FAF1: variants seen among roughly 807,000 people sequenced by gnomAD.
FAF1 encodes FAS-associated factor 1.
Under a neutral mutation model 92.5 loss-of-function variants are expected in FAF1, and 25 were observed. That is an observed-to-expected ratio of 0.27 (90% CI 0.20 to 0.38). The LOEUF is 0.38. Ranked by LOEUF, FAF1 falls within the 10% of genes least tolerant of loss-of-function variation. The pLI is 1.00. For synonymous variants in FAF1, 234 were observed against 273.2 expected, an observed-to-expected ratio of 0.86 and a Z score of 1.42; for missense variants, 636 against 793.3, an observed-to-expected ratio of 0.80 and a Z score of 2.38.
At chr1:50,657,866 T>C (rs1382792752) in intron 7 of FAF1, among the ~76,000 whole-genome samples, 1 of 152,218 alleles carries the variant, frequency 6.6e-6, no homozygotes, top group Non-Finnish European at 1.5e-5. Context: ...GCTTGGGGAA[T>C]GGCTTGATCT....
At chr1:50,831,046 A>T (rs1452048897) in intron 2 of FAF1, among the ~76,000 whole-genome samples, 1 of 152,196 alleles carries the variant, frequency 6.6e-6, no homozygotes. Flanking sequence ...AATCACAAAA[A>T]CAACAAAGGA....
rs77429763 is a variant in FAF1, at chr1:50,732,011, C to T, written c.551+6852G>A. 5.7e-4 allele frequency among the ~76,000 whole-genome samples: 86 copies of T among 151,982 alleles called. 1 individual carries two copies. The East Asian group carries it at 0.012, about 22-fold the overall frequency. On this transcript the variant is annotated intron_variant, in intron 6 of 18. Transcript: ENST00000396153. ...TTCTAAGTATTCCATGAGTGCTTTACGGGGTTATTAAAATCTTCTATAGCT... is the reference window on the plus strand; with the variant it reads ...TTCTAAGTATTCCATGAGTGCTTTATGGGGTTATTAAAATCTTCTATAGCT...
chr1:50,864,070 T>A (rs1644459510), intron 1 of FAF1, among the ~76,000 whole-genome samples: 1 of 151,878 alleles, frequency 6.6e-6, no homozygotes, highest in African/African-American at 2.4e-5. Context: ...CATTTTTTAT[T>A]GTGTCTATTT....
At chr1:50,452,304 G>A (rs1646303386) in intron 18 of FAF1, 1 of 445,532 alleles carries the variant, frequency 2.2e-6, no homozygotes, top group Non-Finnish European at 4.0e-6. Flanking sequence ...CATAAGTGAA[G>A]ATTCTGTAGT....
intron 1 of FAF1, among the ~76,000 whole-genome samples, chr1:50,913,359 G>T (rs558049933): frequency 6.6e-6 from 1 of 152,236 alleles, no homozygotes; most frequent in South Asian, 2.1e-4. Context: ...ACAAGAGAAG[G>T]TACACCAATA....
At chr1:50,586,201 G>A (rs999521130) in intron 9 of FAF1, among the ~76,000 whole-genome samples, 1 of 152,110 alleles carries the variant, frequency 6.6e-6, no homozygotes, top group African/African-American at 2.4e-5. Flanking sequence ...CCCTCCCCTA[G>A]GCCCAAACAA....
chr1:50,591,782 C>T (rs1169299259), intron 9 of FAF1, among the ~76,000 whole-genome samples: 1 of 152,056 alleles, frequency 6.6e-6, no homozygotes, highest in Non-Finnish European at 1.5e-5. Flanking sequence ...TTCCTTTTCC[C>T]CCGACTTTCT....
At chr1:50,803,290 T>C (rs1226686076) in intron 2 of FAF1, among the ~76,000 whole-genome samples, 1 of 151,744 alleles carries the variant, frequency 6.6e-6, no homozygotes, top group South Asian at 2.1e-4. Context: ...AAAGATTTGG[T>C]TCAAATCTTT....
intron 4 of FAF1, among the ~76,000 whole-genome samples, chr1:50,777,868 T>C (rs1188547178): frequency 6.6e-6 from 1 of 152,128 alleles, no homozygotes; most frequent in African/African-American, 2.4e-5. Context: ...TGGAAGTAAA[T>C]TGGTTCGACC....
chr1:50,624,303 A>G (rs1653361482), intron 8 of FAF1, among the ~76,000 whole-genome samples: 1 of 152,056 alleles, frequency 6.6e-6, no homozygotes. Flanking sequence ...GCCAGCCACC[A>G]CGCCCAGCTA....
intron 8 of FAF1, among the ~76,000 whole-genome samples, chr1:50,635,804 C>G (rs1042797938): frequency 6.6e-6 from 1 of 152,054 alleles, no homozygotes; most frequent in Admixed American, 6.6e-5. Flanking sequence ...CTTAGATTAG[C>G]GCAGAGGTAA....
chr1:50,844,853 C>T (rs1644284876), intron 2 of FAF1, among the ~76,000 whole-genome samples: 1 of 151,756 alleles, frequency 6.6e-6, no homozygotes, highest in South Asian at 2.1e-4. Flanking sequence ...GCAGAGGGTG[C>T]CCTGAGCAAG....
chr1:50,813,033 AAAG>A (rs1643931578), intron 2 of FAF1, among the ~76,000 whole-genome samples: 1 of 152,176 alleles, frequency 6.6e-6, no homozygotes, highest in African/African-American at 2.4e-5. Flanking sequence ...ACATAGATAC[AAAG>A]AAGGGAGCAA....
Position 50,774,929 on chromosome 1 carries a change from A to G in FAF1, c.367+13071T>C, listed in dbSNP as rs928090448. Among the ~76,000 whole-genome samples the G allele has an allele frequency of 3.9e-5, 6 of 152,224 alleles. No individual in the cohort carries two copies. In the East Asian group the frequency reaches 1.2e-3, roughly 29 times the overall value. On this transcript the variant is annotated intron_variant, in intron 4 of 18. Coordinates refer to ENST00000396153, the MANE Select transcript of FAF1 (RefSeq NM_007051.3). ...TGAAACTGCAATAAGGACCCTAAAA[A>G]CATTAACAACCCAGTGAAATTACCA...
chr1:50,462,718 C>T (rs1173181977), intron 18 of FAF1, among the ~76,000 whole-genome samples: 1 of 152,146 alleles, frequency 6.6e-6, no homozygotes, highest in African/African-American at 2.4e-5. Flanking sequence ...GTGCTTCCCT[C>T]ATGATGTCTT....
intron 17 of FAF1, 112 bp downstream of exon 17, chr1:50,490,476 A>C: frequency 1.6e-6 from 1 of 623,902 alleles, no homozygotes. Context: ...GAAAGAAGGA[A>C]GGAAGGAAGG....
At chr1:50,894,419 C>A (rs1644743230) in intron 1 of FAF1, among the ~76,000 whole-genome samples, 1 of 151,704 alleles carries the variant, frequency 6.6e-6, no homozygotes, top group African/African-American at 2.4e-5. Context: ...TCTGGTTGGT[C>A]CAAGGCAGGT....
intron 8 of FAF1, among the ~76,000 whole-genome samples, chr1:50,608,914 T>C (rs1292979355): frequency 6.6e-6 from 1 of 152,174 alleles, no homozygotes; most frequent in East Asian, 1.9e-4. Flanking sequence ...TCTTATAAGT[T>C]ACAAGATTGT....
chr1:50,829,341 T>TA (rs1644132636), intron 2 of FAF1, among the ~76,000 whole-genome samples: 1 of 152,082 alleles, frequency 6.6e-6, no homozygotes, highest in African/African-American at 2.4e-5. Context: ...TGTGGTGGGG[T>TA]AAAATAAACA....
Sources: allele counts gnomAD v4.1 joint callset (sites outside exome capture counted in the v4.1 genomes callset), GRCh38; gene constraint gnomAD v4.1.1; transcripts MANE v1.5; gene names NCBI Gene and HGNC (gene_info 2026-07-23, HGNC 2026-07-21).